The following DENND1B variants were observed in gnomAD, a reference collection of about 807,000 sequenced individuals.
The protein encoded by DENND1B is DENN domain containing 1B, also known as DENN domain-containing protein 1B.
DENND1B carries 59 observed loss-of-function variants against 90.1 expected under a neutral mutation model. That is an observed-to-expected ratio of 0.65 (90% CI 0.53 to 0.81). DENND1B has a LOEUF of 0.81. Among genes scored for constraint, DENND1B ranks in the 40% least tolerant of loss-of-function variants. The probability of loss-of-function intolerance (pLI) is 0.00; values close to 1 mark genes in which losing one functional copy is unlikely to be tolerated. For missense variants in DENND1B, 862 were observed against 912.6 expected (o/e 0.94, Z 0.71); for synonymous variants, 337 against 324.6 (o/e 1.04, Z -0.41).
At chr1:197,599,256 T>C (rs1308148426) in intron 13 of DENND1B, among the ~76,000 whole-genome samples, 1 of 151,866 alleles carries the variant, frequency 6.6e-6, no homozygotes, top group African/African-American at 2.4e-5. Flanking sequence ...TGAGTTTTTC[T>C]GAGAAGTAAC....
At chr1:197,713,789 A>ATAAT (rs1660227664) in intron 3 of DENND1B, among the ~76,000 whole-genome samples, 2 of 13,882 alleles carry the variant, frequency 1.4e-4, no homozygotes, top group East Asian at 5.1e-3. Context: ...ATTATATTAT[A>ATAAT]ATATTATTAT....
At chr1:197,747,274 G>T in intron 2 of DENND1B, 1 of 618,290 alleles carries the variant, frequency 1.6e-6, no homozygotes, top group South Asian at 1.6e-5. Context: ...ATTTACATTC[G>T]ACTCTGTTTC....
intron 13 of DENND1B, chr1:197,605,341 T>C (rs1268792003): frequency 1.3e-5 from 2 of 150,966 alleles, no homozygotes; most frequent in African/African-American, 4.8e-5. Context: ...ACTAGGAAAG[T>C]AGTACTTTTC....
intron 3 of DENND1B, among the ~76,000 whole-genome samples, chr1:197,674,475 C>G (rs926597656): frequency 2.0e-5 from 3 of 152,124 alleles, no homozygotes; most frequent in Admixed American, 6.6e-5. Flanking sequence ...CAAGAAGCAC[C>G]GCACCATATG....
intron 1 of DENND1B, 128 bp from the exon 2 acceptor site, chr1:197,773,060 T>TC: frequency 1.5e-5 from 12 of 775,366 alleles, no homozygotes; most frequent in Non-Finnish European, 2.2e-5. Flanking sequence ...ATTACTACAG[T>TC]ATAGTAGAAA....
intron 10 of DENND1B, among the ~76,000 whole-genome samples, chr1:197,634,619 T>G (rs986067830): frequency 6.6e-6 from 1 of 152,104 alleles, no homozygotes; most frequent in Non-Finnish European, 1.5e-5. Context: ...TGTTTTGGCA[T>G]AGACTTTTAA....
chr1:197,770,887 TATAA>T (rs1656502104), intron 2 of DENND1B, among the ~76,000 whole-genome samples: 2 of 143,210 alleles, frequency 1.4e-5, no homozygotes, highest in Non-Finnish European at 3.0e-5. Context: ...TATATGTATC[TATAA>T]ATATATCTAT....
rs1680789801 is a variant in DENND1B at position 197,647,098 on chromosome 1, A to G, written c.464T>C (p.Ile155Thr). Residue 155 changes from isoleucine to threonine, a missense_variant, in exon 8 of 23, where the codon ATT (isoleucine) becomes ACT (threonine). Ile to Thr is a moderately conservative substitution (Grantham distance 89). Transcript: ENST00000620048. ...VNLSVNQEIFIACEQVLKDQP... is the reference protein window; with the variant it reads ...VNLSVNQEIFTACEQVLKDQP... Reference sequence around the variant, plus strand: ...ATCTTTCAGAACTTGCTCACAGGCAATAAATATCTCTTGGTTCTTATAATA... The same window carrying G: ...ATCTTTCAGAACTTGCTCACAGGCAGTAAATATCTCTTGGTTCTTATAATA... 6.8e-7 allele frequency: 1 copy of G among 1,464,582 alleles called. No individual in the cohort carries two copies. The allele number at this position is 1,464,582 out of a possible 1,614,324, so 90.7% of individuals were successfully genotyped here. A position where few individuals can be genotyped will look rare whatever the true frequency, so the allele number is the denominator to read the frequency against.
At chr1:197,668,015 T>C (rs1655118138) in intron 5 of DENND1B, among the ~76,000 whole-genome samples, 2 of 152,182 alleles carry the variant, frequency 1.3e-5, no homozygotes, top group African/African-American at 2.4e-5. Flanking sequence ...TAGACTTTTT[T>C]ATAAGTACAT....
chr1:197,738,186 A>G (rs1240514735), intron 2 of DENND1B, among the ~76,000 whole-genome samples: 1 of 152,214 alleles, frequency 6.6e-6, no homozygotes, highest in East Asian at 1.9e-4. Flanking sequence ...GACAAAGGGG[A>G]GTATCTAATA....
intron 6 of DENND1B, among the ~76,000 whole-genome samples, chr1:197,655,686 C>T (rs1252100779): frequency 1.3e-5 from 2 of 152,128 alleles, no homozygotes; most frequent in African/African-American, 4.8e-5. Flanking sequence ...CGCCCGCCAC[C>T]ACACCCGGCT....
chr1:197,648,745 T>C (rs1357628832), intron 7 of DENND1B, among the ~76,000 whole-genome samples: 4 of 152,158 alleles, frequency 2.6e-5, no homozygotes, highest in Admixed American at 2.6e-4. Context: ...AAGTCTAAGT[T>C]TCTCCTTAAC....
chr1:197,628,808 A>T (rs962954256), intron 10 of DENND1B, among the ~76,000 whole-genome samples: 3 of 152,054 alleles, frequency 2.0e-5, no homozygotes, highest in Non-Finnish European at 4.4e-5. Flanking sequence ...AGAATCTACA[A>T]TGAACTCAAA....
intron 6 of DENND1B, among the ~76,000 whole-genome samples, chr1:197,657,090 T>C (rs909073662): frequency 1.3e-5 from 2 of 152,050 alleles, no homozygotes; most frequent in African/African-American, 4.8e-5. Flanking sequence ...ATTAAAAACT[T>C]TTGTGCATCA....
chr1:197,510,149 T>G lies in DENND1B; in HGVS notation c.*311A>C, dbSNP rs540329984. On this transcript the variant is annotated 3_prime_UTR_variant, in exon 23 of 23. Coordinates refer to ENST00000620048, the MANE Select transcript of DENND1B (RefSeq NM_001195215.2). ...GTATAGTAGCTACTGGTTATGTGCA[T>G]GGGTTACATATGCATTCTTAGCTTA... is the stretch of plus-strand genomic sequence containing the variant. 3.4e-6 allele frequency: 1 copy of G among 292,312 alleles called. No individual in the cohort carries two copies. Among genetic ancestry groups the G allele is most frequent in the East Asian group, 7.7e-5 (1 of 13,012 alleles). 18.1% of individuals were successfully genotyped at this position (292,312 alleles called of 1,614,324 possible).
chr1:197,579,835 T>C (rs1312189617), intron 15 of DENND1B, among the ~76,000 whole-genome samples: 1 of 152,176 alleles, frequency 6.6e-6, no homozygotes, highest in African/African-American at 2.4e-5. Flanking sequence ...AATTATTACA[T>C]GCTTCCTTAA....
chr1:197,733,062 T>C (rs373295109), intron 2 of DENND1B, among the ~76,000 whole-genome samples: 13 of 152,174 alleles, frequency 8.5e-5, no homozygotes, highest in South Asian at 2.1e-4. Context: ...AACAAGGAAA[T>C]TGGGGAAAAA....
intron 15 of DENND1B, among the ~76,000 whole-genome samples, chr1:197,555,900 C>G (rs916842417): frequency 3.9e-5 from 6 of 152,062 alleles, no homozygotes; most frequent in African/African-American, 1.4e-4. Context: ...AAGACACTTG[C>G]ATTTGTATGT....
intron 5 of DENND1B, among the ~76,000 whole-genome samples, chr1:197,666,640 A>G (rs1047899617): frequency 1.3e-5 from 2 of 152,210 alleles, no homozygotes; most frequent in African/African-American, 4.8e-5. Context: ...GATTGCAAAC[A>G]AAAAGGCTTT....
Sources: gnomAD v4.1 joint callset for allele counts (sites outside exome capture counted in the v4.1 genomes callset) on GRCh38, gnomAD v4.1.1 for gene constraint, MANE v1.5 for transcripts, NCBI Gene and HGNC (gene_info 2026-07-23, HGNC 2026-07-21) for gene names.